Variants in APBB2 observed in about 807,000 individuals in gnomAD.
APBB2 encodes the protein Fe65-like 1.
In APBB2, 38 loss-of-function variants were observed where a neutral mutation model predicts 82.5. That is an observed-to-expected ratio of 0.46 (90% CI 0.36 to 0.60). The LOEUF (loss-of-function observed/expected upper bound fraction) is 0.60, where lower values mean the gene tolerates loss of function less well. Among genes scored for constraint, APBB2 ranks in the 20% least tolerant of loss-of-function variants. APBB2 has a pLI of 0.00. For missense variants in APBB2, 772 were observed against 972.3 expected (o/e 0.79, Z 2.74); for synonymous variants, 341 against 368.2 (o/e 0.93, Z 0.85).
intron 2 of APBB2, among the ~76,000 whole-genome samples, chr4:41,103,891 T>A (rs1191432219): frequency 1.3e-5 from 2 of 152,188 alleles, no homozygotes; most frequent in Non-Finnish European, 2.9e-5. Context: ...ATCTCATAAT[T>A]CAAGGACAAA....
chr4:41,170,209 ATTTC>A lies in APBB2; in HGVS notation c.-416-27071_-416-27068del, dbSNP rs367739912. 5.4e-3 allele frequency among the ~76,000 whole-genome samples: 814 copies of A among 151,776 alleles called. 6 individuals are homozygous for A. The highest frequency in any genetic ancestry group is 0.019 in the African/African-American group (769 of 41,338). On this transcript the variant is annotated intron_variant, in intron 1 of 17. Transcript: ENST00000508593. Reference sequence around the variant, plus strand: ...GTGGTCTGTCTGAGATTTAGAAACTATTTCTTTTTTTCTTTTTATGATGATTTTT... The same window carrying A: ...GTGGTCTGTCTGAGATTTAGAAACTATTTTTTTCTTTTTATGATGATTTTT...
At chr4:41,020,352 C>T (rs755957554) in intron 5 of APBB2, among the ~76,000 whole-genome samples, 1 of 152,146 alleles carries the variant, frequency 6.6e-6, no homozygotes, top group South Asian at 2.1e-4. Flanking sequence ...CAGGACAGGA[C>T]AATAGATGGT....
chr4:41,024,809 A>T (rs1286508861), intron 5 of APBB2, among the ~76,000 whole-genome samples: 1 of 152,266 alleles, frequency 6.6e-6, no homozygotes, highest in African/African-American at 2.4e-5. Flanking sequence ...TCTGGGCGCC[A>T]TAGTGAAGGT....
chr4:41,008,697 C>T (rs971203154), intron 6 of APBB2, among the ~76,000 whole-genome samples: 3 of 152,208 alleles, frequency 2.0e-5, no homozygotes, highest in African/African-American at 7.2e-5. Flanking sequence ...CTCCTAAAAG[C>T]TCTTTGAAGA....
intron 1 of APBB2, among the ~76,000 whole-genome samples, chr4:41,203,059 T>C (rs1777081204): frequency 6.6e-6 from 1 of 152,050 alleles, no homozygotes. Flanking sequence ...CAAATCCACA[T>C]TCTCCTCAGT....
intron 10 of APBB2, among the ~76,000 whole-genome samples, chr4:40,917,913 C>T (rs571083194): frequency 3.9e-5 from 6 of 152,328 alleles, no homozygotes; most frequent in Non-Finnish European, 7.3e-5. Context: ...TCCCTATGAA[C>T]CTTCTTGTTT....
intron 6 of APBB2, among the ~76,000 whole-genome samples, chr4:41,008,845 C>T (rs1308319615): frequency 6.6e-6 from 1 of 152,214 alleles, no homozygotes; most frequent in Non-Finnish European, 1.5e-5. Flanking sequence ...AGCCTATGCT[C>T]TTAATGATAA....
chr4:40,831,630 A>G (rs1751937798), intron 12 of APBB2, among the ~76,000 whole-genome samples: 1 of 152,154 alleles, frequency 6.6e-6, no homozygotes. Flanking sequence ...ATGTATAAAC[A>G]TGTGCACAAA....
rs777910826 is a variant in APBB2, at chr4:40,832,013, T to TATCACAC, written c.1530-1437_1530-1436insGTGTGAT. The stretch of plus-strand genomic sequence containing the variant: ...ACACATATTTATATATTTATTTATA[T>TATCACAC]ACACACACACACACACACACACACA... On this transcript the variant is annotated intron_variant, in intron 12 of 17. Coordinates refer to ENST00000508593, the MANE Select transcript of APBB2 (RefSeq NM_004307.2). This position sits in a 1 kb window ranked among gnomAD's most constrained non-coding sequence, Gnocchi z 4.8. Among the ~76,000 whole-genome samples, 1 of 138,886 alleles carries TATCACAC rather than the reference T, an allele frequency of 7.2e-6. No homozygotes were observed. The highest frequency in any genetic ancestry group is 7.3e-5 in the Admixed American group (1 of 13,650). The allele number at this position is 138,886 out of a possible 152,430, so 91.1% of individuals were successfully genotyped here.
intron 12 of APBB2, among the ~76,000 whole-genome samples, chr4:40,870,685 A>AC (rs1765238825): frequency 6.6e-6 from 1 of 151,032 alleles, no homozygotes; most frequent in Admixed American, 6.6e-5. Context: ...TGCAAATGTT[A>AC]CCTTATAGGT....
At chr4:41,042,133 G>T (rs923248879) in intron 4 of APBB2, among the ~76,000 whole-genome samples, 1 of 152,078 alleles carries the variant, frequency 6.6e-6, no homozygotes, top group South Asian at 2.1e-4. Flanking sequence ...TGGGACTACA[G>T]GTGCGCACCA....
At chr4:41,178,357 C>T (rs1382952402) in intron 1 of APBB2, among the ~76,000 whole-genome samples, 6 of 152,204 alleles carry the variant, frequency 3.9e-5, no homozygotes, top group Admixed American at 3.9e-4. Flanking sequence ...AAAATCTCTA[C>T]ATACATCTAC....
At chr4:40,841,020 G>A (rs1261086170) in intron 12 of APBB2, among the ~76,000 whole-genome samples, 1 of 152,160 alleles carries the variant, frequency 6.6e-6, no homozygotes, top group Non-Finnish European at 1.5e-5. Flanking sequence ...TCTCCTCAAA[G>A]TGATTTAAAA....
chr4:41,141,098 G>T (rs1218223867), intron 2 of APBB2, among the ~76,000 whole-genome samples: 1 of 152,156 alleles, frequency 6.6e-6, no homozygotes, highest in African/African-American at 2.4e-5. Context: ...ACAGGTTGGG[G>T]ACTGCTGCCC....
At chr4:40,915,578 T>C (rs1175113844) in intron 10 of APBB2, among the ~76,000 whole-genome samples, 1 of 152,150 alleles carries the variant, frequency 6.6e-6, no homozygotes, top group South Asian at 2.1e-4. Flanking sequence ...CTAAGAAAGG[T>C]TTTACTGTAC....
intron 1 of APBB2, among the ~76,000 whole-genome samples, chr4:41,159,522 G>T (rs1764300701): frequency 6.6e-6 from 1 of 152,118 alleles, no homozygotes; most frequent in South Asian, 2.1e-4. Context: ...AAAATAACTT[G>T]TCCAAAGAAC....
chr4:40,861,361 AT>A (rs529439230), intron 12 of APBB2, among the ~76,000 whole-genome samples: 11 of 148,608 alleles, frequency 7.4e-5, no homozygotes, highest in East Asian at 2.0e-4. Flanking sequence ...AAAAAAAAAA[AT>A]TTTTTTTTTT....
intron 1 of APBB2, among the ~76,000 whole-genome samples, chr4:41,156,839 A>G (rs28716490): frequency 0.35 from 53,618 of 151,922 alleles, 9,927 homozygotes; most frequent in African/African-American, 0.46. Context: ...GCCAAGACGG[A>G]TGAATCATCT....
intron 10 of APBB2, among the ~76,000 whole-genome samples, chr4:40,930,694 TC>T (rs1290618105): frequency 1.3e-5 from 2 of 152,200 alleles, no homozygotes; most frequent in East Asian, 3.8e-4. Flanking sequence ...TTTTAAGTAA[TC>T]ATTCCTCACA....
Sources: allele counts gnomAD v4.1 joint callset (sites outside exome capture counted in the v4.1 genomes callset), GRCh38; gene constraint gnomAD v4.1.1; non-coding constraint Gnocchi (gnomAD v3.1); transcripts MANE v1.5; gene names NCBI Gene and HGNC (gene_info 2026-07-23, HGNC 2026-07-21).